The following DAP3 variants were observed in gnomAD, a reference collection of about 807,000 sequenced individuals.
DAP3 encodes the protein death associated protein 3, also known as small ribosomal subunit protein mS29.
Under a neutral mutation model 51.9 loss-of-function variants are expected in DAP3, and 28 were observed. That is an observed-to-expected ratio of 0.54 (90% CI 0.40 to 0.74). The LOEUF is 0.74. DAP3 is among the 30% of genes least tolerant of loss of function. The probability of loss-of-function intolerance (pLI) is 0.00; values close to 1 mark genes in which losing one functional copy is unlikely to be tolerated. For missense variants in DAP3, 458 were observed against 483.5 expected, an observed-to-expected ratio of 0.95 and a Z score of 0.49; for synonymous variants, 170 against 170.3, an observed-to-expected ratio of 1.00 and a Z score of 0.01.
At chr1:155,737,966 C>T (rs1659977853) in intron 12 of DAP3, among the ~76,000 whole-genome samples, 191 bp from the exon 13 acceptor site, 1 of 152,034 alleles carries the variant, frequency 6.6e-6, no homozygotes, top group Non-Finnish European at 1.5e-5. Flanking sequence ...GGAGTAGACA[C>T]AGAAAAGGAA....
intron 1 of DAP3, among the ~76,000 whole-genome samples, chr1:155,706,890 C>T (rs922869167): frequency 8.6e-5 from 13 of 151,906 alleles, no homozygotes; most frequent in Admixed American, 3.9e-4. Context: ...GTCAGGAGTT[C>T]GAGACCAGCC....
chr1:155,705,386 C>G (rs1385796316), intron 1 of DAP3, among the ~76,000 whole-genome samples: 1 of 151,306 alleles, frequency 6.6e-6, no homozygotes, highest in Non-Finnish European at 1.5e-5. Flanking sequence ...CACTTGAGCC[C>G]AGGAGTTCAA....
chr1:155,735,108 GAA>G (rs1344051039), intron 11 of DAP3, among the ~76,000 whole-genome samples: 2 of 67,552 alleles, frequency 3.0e-5, no homozygotes, highest in Admixed American at 1.5e-4. Context: ...ACCAAAAAAT[GAA>G]AAAAAAAAAA....
intron 4 of DAP3, among the ~76,000 whole-genome samples, chr1:155,723,778 C>T (rs2149179866): frequency 6.6e-6 from 1 of 152,322 alleles, no homozygotes; most frequent in Middle Eastern, 3.4e-3. Flanking sequence ...ATGGCTCACG[C>T]CTGTAATTCC....
At chr1:155,707,852 T>A (rs1204447399) in intron 1 of DAP3, among the ~76,000 whole-genome samples, 2 of 152,214 alleles carry the variant, frequency 1.3e-5, no homozygotes, top group Non-Finnish European at 2.9e-5. Context: ...CACTCAGTAT[T>A]CATTTTTGAG....
intron 11 of DAP3, among the ~76,000 whole-genome samples, chr1:155,735,603 TAC>T (rs113259569): frequency 0.067 from 10,142 of 151,826 alleles, 436 homozygotes; most frequent in African/African-American, 0.12. Context: ...AAAAAAGAAA[TAC>T]AGTTTGATTA....
At chr1:155,691,637 T>C (rs1346863850) in intron 1 of DAP3, among the ~76,000 whole-genome samples, 2 of 141,854 alleles carry the variant, frequency 1.4e-5, no homozygotes, top group Non-Finnish European at 2.9e-5. Flanking sequence ...TAACTCCATG[T>C]TTTACCTTTT....
At chr1:155,721,023 C>G (rs1403994458) in intron 3 of DAP3, among the ~76,000 whole-genome samples, 1 of 137,964 alleles carries the variant, frequency 7.2e-6, no homozygotes, top group African/African-American at 2.8e-5. Context: ...GGTGACAGAG[C>G]GAGACTCTGT....
intron 11 of DAP3, among the ~76,000 whole-genome samples, chr1:155,733,152 G>A (rs1308082742): frequency 6.6e-6 from 1 of 152,206 alleles, no homozygotes; most frequent in East Asian, 1.9e-4. Flanking sequence ...CACTTTTTGG[G>A]GTTGTCTGAG....
upstream of DAP3, chr1:155,688,737 C>T (rs1653147506): frequency 4.0e-6 from 6 of 1,518,428 alleles, no homozygotes; most frequent in South Asian, 3.7e-5. Flanking sequence ...GGCCACCAAC[C>T]GCCGCCAAAG....
upstream of DAP3, chr1:155,688,759 A>C (rs1331807293): frequency 2.6e-5 from 38 of 1,490,124 alleles, no homozygotes; most frequent in Non-Finnish European, 3.0e-5. Context: ...AGCCGCCGCC[A>C]GCACCCCCAC....
chr1:155,731,150 C>T (rs1659197348), intron 9 of DAP3, among the ~76,000 whole-genome samples: 1 of 151,890 alleles, frequency 6.6e-6, no homozygotes, highest in South Asian at 2.1e-4. Flanking sequence ...GCCTATAGTC[C>T]CAGCTACTCA....
intron 3 of DAP3, among the ~76,000 whole-genome samples, chr1:155,718,342 C>T (rs606755): frequency 0.036 from 5,431 of 151,756 alleles, 340 homozygotes; most frequent in African/African-American, 0.12. Flanking sequence ...GCCAAGATCG[C>T]GCCACTGCAC....
chr1:155,689,801 A>T (rs1311722902), intron 1 of DAP3, among the ~76,000 whole-genome samples: 1 of 152,052 alleles, frequency 6.6e-6, no homozygotes, highest in Non-Finnish European at 1.5e-5. Flanking sequence ...AGCCCCAGCT[A>T]CTCGGGAGGC....
chr1:155,726,796 A>T (rs1210502055), intron 6 of DAP3: 2 of 153,766 alleles, frequency 1.3e-5, no homozygotes, highest in South Asian at 2.1e-4. Flanking sequence ...AAAAAAAAAA[A>T]AAAAAAGAAG....
chr1:155,718,705 A>AGATAGAT (rs1657623758), intron 3 of DAP3, among the ~76,000 whole-genome samples: 1 of 140,896 alleles, frequency 7.1e-6, no homozygotes, highest in African/African-American at 2.7e-5. Flanking sequence ...AAAAGAAAGA[A>AGATAGAT]AGATAGATAG....
At chr1:155,728,948 T>C in intron 7 of DAP3, 94 bp from the exon 8 acceptor site, 1 of 1,188,294 alleles carries the variant, frequency 8.4e-7, no homozygotes, top group Non-Finnish European at 1.2e-6. Context: ...AATGAACTCC[T>C]GTTAACCTTA....
At chr1:155,688,058 TCGTTCTACTCAC>T (rs1259989754), upstream of DAP3, 25 of 1,561,682 alleles carry the variant, frequency 1.6e-5, no homozygotes, top group Non-Finnish European at 2.1e-5. Context: ...CCGGCCCAAA[TCGTTCTACTCAC>T]CGTGTCGGAG....
intron 10 of DAP3, 67 bp from the exon 11 acceptor site, chr1:155,731,877 A>C: frequency 6.8e-7 from 1 of 1,469,644 alleles, no homozygotes; most frequent in South Asian, 1.3e-5. Context: ...AAAAATCTAC[A>C]GATGATTAAT....
Sources: allele counts gnomAD v4.1 joint callset (sites outside exome capture counted in the v4.1 genomes callset), GRCh38; gene constraint gnomAD v4.1.1; transcripts MANE v1.5; gene names NCBI Gene and HGNC (gene_info 2026-07-23, HGNC 2026-07-21).